The following ADAMTS19 variants were observed in gnomAD, a reference collection of about 807,000 sequenced individuals.
The protein encoded by ADAMTS19 is ADAM metallopeptidase with thrombospondin type 1 motif 19.
A neutral mutation model predicts 153.3 loss-of-function variants in ADAMTS19; 93 were observed. The observed-to-expected ratio is 0.61, with a 90% CI of 0.51 to 0.72. The LOEUF (loss-of-function observed/expected upper bound fraction) is 0.72, where lower values mean the gene tolerates loss of function less well. Among genes scored for constraint, ADAMTS19 ranks in the 30% least tolerant of loss-of-function variants. The probability of loss-of-function intolerance (pLI) is 0.00; values close to 1 mark genes in which losing one functional copy is unlikely to be tolerated. For synonymous variants in ADAMTS19, 600 were observed against 556.6 expected (o/e 1.08, Z -1.10); for missense variants, 1,482 against 1,552.1 (o/e 0.95, Z 0.76).
intron 8 of ADAMTS19, among the ~76,000 whole-genome samples, chr5:129,603,339 A>G (rs1250499662): frequency 6.6e-6 from 1 of 152,184 alleles, no homozygotes; most frequent in Non-Finnish European, 1.5e-5. Context: ...TTTGTGAAGC[A>G]TGTAGACATA....
intron 6 of ADAMTS19, among the ~76,000 whole-genome samples, chr5:129,538,517 T>C (rs1752540926): frequency 6.6e-6 from 1 of 152,130 alleles, no homozygotes; most frequent in South Asian, 2.1e-4. Context: ...AACTGACCAC[T>C]CTTCATTATT....
intron 7 of ADAMTS19, among the ~76,000 whole-genome samples, chr5:129,570,832 A>T (rs1753875701): frequency 6.6e-6 from 1 of 151,896 alleles, no homozygotes; most frequent in Non-Finnish European, 1.5e-5. Context: ...GACCATGTCA[A>T]CTGATGCAGA....
chr5:129,654,723 G>A (rs978701864), intron 14 of ADAMTS19, among the ~76,000 whole-genome samples: 9 of 152,004 alleles, frequency 5.9e-5, no homozygotes, highest in African/African-American at 2.2e-4. Context: ...GAGCACTTTG[G>A]ACATTTTATG....
chr5:129,579,367 ATGT>A (rs1445951270), intron 7 of ADAMTS19, among the ~76,000 whole-genome samples: 2 of 152,166 alleles, frequency 1.3e-5, no homozygotes, highest in African/African-American at 4.8e-5. Flanking sequence ...GATTGCAAAA[ATGT>A]TGTCCCATTC....
At chr5:129,596,530 A>C in intron 7 of ADAMTS19, 29 bp from the exon 8 acceptor site, 1 of 1,412,760 alleles carries the variant, frequency 7.1e-7, no homozygotes, top group Non-Finnish European at 9.9e-7. Context: ...TCATTCAGAC[A>C]TATAATAATT....
At chr5:129,468,859 C>G (rs1455717432) in intron 2 of ADAMTS19, among the ~76,000 whole-genome samples, 1 of 151,378 alleles carries the variant, frequency 6.6e-6, no homozygotes, top group African/African-American at 2.4e-5. Flanking sequence ...TCACTGCAAC[C>G]TCCGTCTCCT....
chr5:129,523,125 A>G (rs961137709), intron 3 of ADAMTS19, among the ~76,000 whole-genome samples: 1 of 152,124 alleles, frequency 6.6e-6, no homozygotes, highest in Non-Finnish European at 1.5e-5. Flanking sequence ...TAGAGGTCAA[A>G]GCAAGGTAGG....
intron 21 of ADAMTS19, among the ~76,000 whole-genome samples, chr5:129,720,959 A>G (rs1365627287): frequency 2.0e-5 from 3 of 152,200 alleles, no homozygotes; most frequent in Non-Finnish European, 2.9e-5. Context: ...TGACAGAAAG[A>G]TAATTTTATA....
intron 7 of ADAMTS19, among the ~76,000 whole-genome samples, chr5:129,563,304 A>G (rs1354328705): frequency 1.3e-5 from 2 of 152,302 alleles, no homozygotes; most frequent in Middle Eastern, 3.4e-3. Flanking sequence ...TTTTACTTCA[A>G]TACCTTTTAT....
intron 2 of ADAMTS19, among the ~76,000 whole-genome samples, chr5:129,473,666 G>A (rs1750136257): frequency 6.6e-6 from 1 of 151,958 alleles, no homozygotes; most frequent in Admixed American, 6.6e-5. Flanking sequence ...TTTCTCTGTA[G>A]ATTGCCACTT....
chr5:129,612,108 T>C (rs1438145369), intron 8 of ADAMTS19, among the ~76,000 whole-genome samples: 1 of 147,210 alleles, frequency 6.8e-6, no homozygotes, highest in Non-Finnish European at 1.5e-5. Flanking sequence ...TATGTCCTAA[T>C]GCTATCCCTC....
intron 2 of ADAMTS19, among the ~76,000 whole-genome samples, chr5:129,508,236 G>A (rs974389346): frequency 2.0e-5 from 3 of 151,886 alleles, no homozygotes; most frequent in Admixed American, 1.3e-4. Context: ...AGATAATATA[G>A]TTGAATGTAT....
At chr5:129,484,779 A>T (rs1036479174) in intron 2 of ADAMTS19, among the ~76,000 whole-genome samples, 3 of 152,064 alleles carry the variant, frequency 2.0e-5, no homozygotes, top group Non-Finnish European at 4.4e-5. Flanking sequence ...TATCAGTAAG[A>T]TTTTGGCTTG....
chr5:129,708,165 C>T (rs770371068), intron 21 of ADAMTS19, among the ~76,000 whole-genome samples: 4 of 152,128 alleles, frequency 2.6e-5, no homozygotes, highest in Admixed American at 6.5e-5. Context: ...GTGAAACTTA[C>T]GTCATAAAAT....
intron 10 of ADAMTS19, among the ~76,000 whole-genome samples, chr5:129,635,805 G>A (rs1752508863): frequency 6.6e-6 from 1 of 152,136 alleles, no homozygotes; most frequent in African/African-American, 2.4e-5. Flanking sequence ...TACTACCTAG[G>A]TGATGAAATA....
chr5:129,589,027 A>T (rs1460060323), intron 7 of ADAMTS19, among the ~76,000 whole-genome samples: 3 of 151,892 alleles, frequency 2.0e-5, no homozygotes, highest in African/African-American at 4.8e-5. Context: ...TACTCATTTT[A>T]AAAAGTACAT....
intron 6 of ADAMTS19, among the ~76,000 whole-genome samples, chr5:129,550,611 C>T (rs1561566289): frequency 6.6e-6 from 1 of 150,868 alleles, no homozygotes; most frequent in African/African-American, 2.4e-5. Context: ...CTCACAAATG[C>T]TGCTGATGAG....
At position 129,701,595 on chromosome 5, in the gene ADAMTS19, G is replaced by A; in HGVS notation, c.3159+3G>A. ...GGGAGGCGGGAGTGTGGTCTGAGGT[G>A]CATACATGCCCCCTTTCTTTCCCCA... On this transcript the variant is annotated splice_donor_region_variant and intron_variant, in intron 20 of 22. Transcript: ENST00000274487. The A allele has an allele frequency of 1.2e-6, 2 of 1,613,770 alleles. No individual in the cohort carries two copies. Among genetic ancestry groups the A allele is most frequent in the Non-Finnish European group, 1.7e-6 (2 of 1,179,788 alleles).
At chr5:129,649,820 T>C (rs1362284478) in intron 13 of ADAMTS19, among the ~76,000 whole-genome samples, 1 of 152,190 alleles carries the variant, frequency 6.6e-6, no homozygotes, top group Non-Finnish European at 1.5e-5. Flanking sequence ...TTTCTGCAAG[T>C]TATTCCAAAT....
Sources: gnomAD v4.1 joint callset for allele counts (sites outside exome capture counted in the v4.1 genomes callset) on GRCh38, gnomAD v4.1.1 for gene constraint, MANE v1.5 for transcripts, NCBI Gene and HGNC (gene_info 2026-07-23, HGNC 2026-07-21) for gene names.